Variants in PRKD1 observed in about 807,000 individuals in gnomAD.
PRKD1 encodes protein kinase D1, also known as serine/threonine-protein kinase D1.
A neutral mutation model predicts 95.9 loss-of-function variants in PRKD1; 63 were observed. The observed-to-expected ratio is 0.66, with a 90% CI of 0.54 to 0.81. PRKD1 has a LOEUF of 0.81. Among genes scored for constraint, PRKD1 ranks in the 30% least tolerant of loss-of-function variants. The probability of loss-of-function intolerance (pLI) is 0.00; values close to 1 mark genes in which losing one functional copy is unlikely to be tolerated. For missense variants in PRKD1, 1,048 were observed against 1,165.3 expected (o/e 0.90, Z 1.47); for synonymous variants, 425 against 423.1 (o/e 1.00, Z -0.05).
chr14:29,919,953 T>G (rs1006736655), intron 1 of PRKD1, among the ~76,000 whole-genome samples: 1 of 136,194 alleles, frequency 7.3e-6, no homozygotes, highest in Non-Finnish European at 1.5e-5. Context: ...GTGACTAAAG[T>G]GAGACCCTGA....
At chr14:29,649,325 C>T (rs1881340731) in intron 4 of PRKD1, among the ~76,000 whole-genome samples, 1 of 152,026 alleles carries the variant, frequency 6.6e-6, no homozygotes, top group Non-Finnish European at 1.5e-5. Context: ...TCTTTATTCC[C>T]TCCAGTGGTT....
intron 2 of PRKD1, among the ~76,000 whole-genome samples, chr14:29,695,684 G>C (rs1446849230): frequency 6.6e-6 from 1 of 152,178 alleles, no homozygotes; most frequent in Non-Finnish European, 1.5e-5. Context: ...AAGTGGAGAT[G>C]TTGAGTTAGA....
intron 1 of PRKD1, among the ~76,000 whole-genome samples, chr14:29,779,789 T>G (rs1454710061): frequency 1.3e-5 from 2 of 152,120 alleles, no homozygotes; most frequent in East Asian, 1.9e-4. Context: ...AAAAACTACT[T>G]TAAAGTTCAT....
In PRKD1 at chr14:29,609,490, T is replaced by TTGTGTG. The variant is rs147951504; in HGVS notation, c.1906-9679_1906-9674dup. On this transcript the variant is annotated intron_variant, in intron 13 of 17. Coordinates refer to ENST00000331968, the MANE Select transcript of PRKD1 (RefSeq NM_002742.3). ...AGAAATCACTTGAGGACTAATCTAT[T>TTGTGTG]TGTGTGTGTGTGCGTGCACACACAC... is the stretch of plus-strand genomic sequence containing the variant. Among the ~76,000 whole-genome samples, 64 of 132,842 alleles carry TTGTGTG rather than the reference T, an allele frequency of 4.8e-4. 2 individuals carry two copies. The South Asian group carries it at 0.014, about 30-fold the overall frequency. 87.1% of individuals were successfully genotyped at this position (132,842 alleles called of 152,430 possible).
At chr14:29,880,089 A>G (rs1893446439) in intron 1 of PRKD1, among the ~76,000 whole-genome samples, 4 of 152,224 alleles carry the variant, frequency 2.6e-5, no homozygotes. Flanking sequence ...AGAAATTTGC[A>G]TAAGTAGCAA....
intron 13 of PRKD1, among the ~76,000 whole-genome samples, chr14:29,611,405 C>T (rs900396838): frequency 6.6e-6 from 1 of 151,868 alleles, no homozygotes; most frequent in East Asian, 1.9e-4. Context: ...TGGGCTCATA[C>T]ACTGGGGAAT....
chr14:29,584,233 C>T (rs187374563), intron 16 of PRKD1, among the ~76,000 whole-genome samples: 7 of 152,248 alleles, frequency 4.6e-5, no homozygotes, highest in African/African-American at 1.4e-4. Context: ...AACTATACTG[C>T]AGTCATTCTC....
intron 2 of PRKD1, among the ~76,000 whole-genome samples, chr14:29,704,446 A>G (rs1174094149): frequency 6.6e-6 from 1 of 152,152 alleles, no homozygotes; most frequent in African/African-American, 2.4e-5. Context: ...ACAACACATT[A>G]CTATCCTACT....
intron 2 of PRKD1, among the ~76,000 whole-genome samples, chr14:29,706,447 G>T (rs1444988348): frequency 2.0e-5 from 3 of 152,030 alleles, no homozygotes; most frequent in Non-Finnish European, 4.4e-5. Context: ...AAACAATGTT[G>T]TCTTTGCAGT....
At chr14:29,824,903 T>C (rs1218339681) in intron 1 of PRKD1, among the ~76,000 whole-genome samples, 3 of 152,068 alleles carry the variant, frequency 2.0e-5, no homozygotes, top group Non-Finnish European at 4.4e-5. Flanking sequence ...GATGACACCA[T>C]ATTCTTTCAC....
At chr14:29,610,977 G>C (rs77026336) in intron 13 of PRKD1, among the ~76,000 whole-genome samples, 2,168 of 152,296 alleles carry the variant, frequency 0.014, 16 homozygotes, top group Non-Finnish European at 0.023. Context: ...GCTGACAACA[G>C]AAAGATCAGT....
At chr14:29,634,716 T>C (rs999011661) in intron 7 of PRKD1, among the ~76,000 whole-genome samples, 175 bp from the exon 8 acceptor site, 1 of 151,918 alleles carries the variant, frequency 6.6e-6, no homozygotes, top group African/African-American at 2.4e-5. Context: ...CTCTGAAGAG[T>C]GATAGGCACG....
At chr14:29,672,060 T>C (rs963063792) in intron 2 of PRKD1, among the ~76,000 whole-genome samples, 1 of 152,110 alleles carries the variant, frequency 6.6e-6, no homozygotes, top group Non-Finnish European at 1.5e-5. Flanking sequence ...CATTTAACAA[T>C]TGGCCGGCGT....
intron 4 of PRKD1, among the ~76,000 whole-genome samples, chr14:29,650,129 A>G (rs2146126): frequency 0.014 from 2,173 of 152,084 alleles, 54 homozygotes; most frequent in African/African-American, 0.049. Context: ...GAGCTGACTT[A>G]GCGAGCCACT....
At chr14:29,780,078 T>G (rs1033760266) in intron 1 of PRKD1, among the ~76,000 whole-genome samples, 2 of 152,186 alleles carry the variant, frequency 1.3e-5, no homozygotes, top group African/African-American at 4.8e-5. Flanking sequence ...GAAAACTGGC[T>G]AGCCATATGT....
intron 2 of PRKD1, among the ~76,000 whole-genome samples, chr14:29,680,566 G>A (rs1425386238): frequency 6.6e-6 from 1 of 152,148 alleles, no homozygotes; most frequent in Non-Finnish European, 1.5e-5. Context: ...GTTGTTTTAG[G>A]TTGGCTGATT....
intron 13 of PRKD1, among the ~76,000 whole-genome samples, chr14:29,608,154 T>C (rs1452013507): frequency 6.6e-6 from 1 of 152,206 alleles, no homozygotes; most frequent in African/African-American, 2.4e-5. Flanking sequence ...CATCTACTTT[T>C]TCACACCTTG....
intron 2 of PRKD1, among the ~76,000 whole-genome samples, chr14:29,675,962 C>CGT (rs1566531770): frequency 7.9e-6 from 1 of 125,816 alleles, no homozygotes; most frequent in African/African-American, 3.1e-5. Flanking sequence ...GGGAACATCA[C>CGT]ACATCGGGGC....
At chr14:29,827,814 A>G (rs1280516880) in intron 1 of PRKD1, among the ~76,000 whole-genome samples, 1 of 152,164 alleles carries the variant, frequency 6.6e-6, no homozygotes, top group Non-Finnish European at 1.5e-5. Flanking sequence ...GTAGAATTAA[A>G]TATCTCACAG....
Sources: allele counts gnomAD v4.1 joint callset (sites outside exome capture counted in the v4.1 genomes callset), GRCh38; gene constraint gnomAD v4.1.1; transcripts MANE v1.5; gene names NCBI Gene and HGNC (gene_info 2026-07-23, HGNC 2026-07-21).